Variants in NEU3 observed in about 807,000 individuals in gnomAD.
NEU3 encodes the protein sialidase-3.
NEU3 carries 10 observed loss-of-function variants against 11.4 expected under a neutral mutation model. The ratio of observed to expected loss-of-function variants is 0.88; its 90% CI spans 0.54 to 1.49. NEU3 has a LOEUF of 1.49. NEU3 is among the 40% of genes most tolerant of loss of function. The pLI is 0.00. For missense variants in NEU3, 529 were observed against 581.8 expected (o/e 0.91, Z 0.93); for synonymous variants, 212 against 228.2 (o/e 0.93, Z 0.64).
At chr11:74,984,574 C>T (rs1948655273), upstream of NEU3, among the ~76,000 whole-genome samples, 1 of 152,212 alleles carries the variant, frequency 6.6e-6, no homozygotes, top group Non-Finnish European at 1.5e-5. Context: ...ACTCCTACTT[C>T]TGCCTGTCCC....
At chr11:74,990,777 AGT>A (rs2140233029) in intron 1 of NEU3, among the ~76,000 whole-genome samples, 1 of 152,328 alleles carries the variant, frequency 6.6e-6, no homozygotes, top group East Asian at 1.9e-4. Context: ...GACTGATGAT[AGT>A]AGTGTTGGTT....
At position 75,005,459 on chromosome 11, in the gene NEU3, G is replaced by A. The variant is rs193254571; in HGVS notation, c.353G>A (p.Arg118Gln). 2.4e-4 allele frequency: 394 copies of A among 1,613,734 alleles called. 2 individuals carry two copies. In the Admixed American group the frequency reaches 6.2e-3, roughly 25 times the overall value. The part of the protein sequence containing the change: ...PLMEATLPGH[R>Q]TMNPCPVWEQ... The stretch of plus-strand genomic sequence containing the variant: ...ATGGAAGCCACACTACCGGGGCATC[G>A]GACCATGAACCCCTGTCCTGTATGG... The change falls in exon 3 of 3, where the codon CGG (arginine) becomes CAG (glutamine). Residue 118 changes from arginine to glutamine, a missense_variant. Physicochemically the swap from Arg to Gln is conservative, Grantham distance 43 (BLOSUM62 1). Coordinates refer to ENST00000294064, the MANE Select transcript of NEU3 (RefSeq NM_006656.6).
At chr11:74,996,703 C>A (rs1948793701) in intron 2 of NEU3, among the ~76,000 whole-genome samples, 1 of 152,164 alleles carries the variant, frequency 6.6e-6, no homozygotes, top group African/African-American at 2.4e-5. Flanking sequence ...CCAGATTCAT[C>A]AGAGTAATCA....
At chr11:74,999,955 G>A (rs1302326518) in intron 2 of NEU3, among the ~76,000 whole-genome samples, 2 of 152,090 alleles carry the variant, frequency 1.3e-5, no homozygotes, top group Admixed American at 1.3e-4. Context: ...TTGGTTTCTG[G>A]CCCCTTGAAA....
At position 74,994,560 on chromosome 11, in the gene NEU3, A is replaced by G. The variant is rs909174610; in HGVS notation, c.146A>G (p.Gln49Arg). Residue 49 changes from glutamine (Q) to arginine (R), a missense_variant, in exon 2 of 3, where the codon CAG (glutamine) becomes CGG (arginine). Gln to Arg is a conservative substitution (Grantham distance 43). Coordinates refer to ENST00000294064, the MANE Select transcript of NEU3 (RefSeq NM_006656.6). Reference sequence around the variant, plus strand: ...TCCTTCAACAGCCCTCTGTTCCGGCAGGAAGATGACAGAGGGATTACCTAC... The same window carrying G: ...TCCTTCAACAGCCCTCTGTTCCGGCGGGAAGATGACAGAGGGATTACCTAC... ...TCSFNSPLFR[Q>R]EDDRGITYRI... 1 of 1,613,806 alleles carries G rather than the reference A, an allele frequency of 6.2e-7. No homozygotes were observed. The highest frequency in any genetic ancestry group is 1.3e-5 in the African/African-American group (1 of 74,922).
chr11:74,996,349 G>C (rs945434584), intron 2 of NEU3, among the ~76,000 whole-genome samples: 1 of 152,104 alleles, frequency 6.6e-6, no homozygotes, highest in African/African-American at 2.4e-5. Flanking sequence ...ATCCTTTGTT[G>C]CCATTTTGAC....
intron 2 of NEU3, chr11:74,995,157 G>A (rs1403473447): frequency 4.7e-6 from 2 of 427,132 alleles, no homozygotes; most frequent in Non-Finnish European, 4.2e-6. Flanking sequence ...TGGTAGTCCA[G>A]TTTTGCTGAT....
At chr11:75,019,947 A>C (rs888718923), downstream of NEU3, among the ~76,000 whole-genome samples, 3 of 152,174 alleles carry the variant, frequency 2.0e-5, no homozygotes, top group African/African-American at 7.2e-5. Flanking sequence ...CAGCTTGTGA[A>C]AGCAGCCAGG....
At chr11:74,982,712 T>TG in the NEU3 span, among the ~76,000 whole-genome samples, 1 of 151,628 alleles carries the variant, frequency 6.6e-6, no homozygotes, top group South Asian at 2.1e-4. Flanking sequence ...CCAAATACCA[T>TG]GGGGCAGATC....
At chr11:74,983,158 A>G in the NEU3 span, among the ~76,000 whole-genome samples, 3 of 152,174 alleles carry the variant, frequency 2.0e-5, no homozygotes, top group African/African-American at 7.2e-5. Context: ...TTTAGGGGAT[A>G]ATTGCATGGG....
At chr11:74,994,409 C>G in intron 1 of NEU3, 100 bp from the exon 2 acceptor site, 1 of 821,750 alleles carries the variant, frequency 1.2e-6, no homozygotes, top group Admixed American at 2.6e-5. Context: ...ATCTGTGCCC[C>G]CCCACCTTTG....
the NEU3 span, among the ~76,000 whole-genome samples, chr11:74,981,368 C>T: frequency 1.3e-5 from 2 of 152,222 alleles, no homozygotes; most frequent in Non-Finnish European, 1.5e-5. Flanking sequence ...ATATTCTTGC[C>T]TCATGTGAAT....
At chr11:74,997,168 A>T (rs898232629) in intron 2 of NEU3, among the ~76,000 whole-genome samples, 1 of 152,264 alleles carries the variant, frequency 6.6e-6, no homozygotes, top group Non-Finnish European at 1.5e-5. Context: ...TGTTTTGTCT[A>T]CAGGGAAAAT....
upstream of NEU3, chr11:74,988,850 C>A: frequency 3.6e-6 from 2 of 554,932 alleles, no homozygotes; most frequent in Non-Finnish European, 6.3e-6. Flanking sequence ...GGAGGGCTCG[C>A]GGAGTAGGCC....
chr11:74,987,306 C>A (rs1471956593), upstream of NEU3, among the ~76,000 whole-genome samples: 1 of 152,088 alleles, frequency 6.6e-6, no homozygotes, highest in East Asian at 1.9e-4. Context: ...AGTCCTTGTT[C>A]TTTTTGATGT....
At chr11:75,013,644 G>A (rs1948969170), downstream of NEU3, among the ~76,000 whole-genome samples, 1 of 152,180 alleles carries the variant, frequency 6.6e-6, no homozygotes, top group Non-Finnish European at 1.5e-5. Flanking sequence ...TGGTCTGAGT[G>A]GTCTCTGTCC....
At chr11:75,016,591 T>C (rs1389580650) in intron 3 of NEU3, among the ~76,000 whole-genome samples, 5 of 152,188 alleles carry the variant, frequency 3.3e-5, no homozygotes, top group Non-Finnish European at 7.3e-5. Context: ...GACTTAAGTA[T>C]TTGTTGAATG....
rs1045146884 is a variant in NEU3, at chr11:75,005,867, T to A, written c.761T>A (p.Met254Lys). The change falls in exon 3 of 3, where the codon ATG (methionine) becomes AAG (lysine). Residue 254 changes from methionine (M) to lysine (K), a missense_variant. Physicochemically the swap from Met to Lys is moderately conservative, Grantham distance 95. Transcript: ENST00000294064. ...TWHHGRLIRP[M>K]VTVECEVAEV... ...CACCATGGTAGACTCATTAGGCCCA[T>A]GGTTACAGTAGAATGTGAAGTGGCA... The A allele has an allele frequency of 1.2e-6, 2 of 1,613,668 alleles. No individual in the cohort carries two copies. Among genetic ancestry groups the A allele is most frequent in the Non-Finnish European group, 1.7e-6 (2 of 1,179,868 alleles).
intron 2 of NEU3, among the ~76,000 whole-genome samples, chr11:74,999,414 C>T (rs1171663356): frequency 6.6e-6 from 1 of 152,214 alleles, no homozygotes. Context: ...TTATTTCATT[C>T]TCTGACTTAT....
Sources: gnomAD v4.1 joint callset for allele counts (sites outside exome capture counted in the v4.1 genomes callset) on GRCh38, gnomAD v4.1.1 for gene constraint, MANE v1.5 for transcripts, NCBI Gene and HGNC (gene_info 2026-07-23, HGNC 2026-07-21) for gene names.